TENM2: variants seen among roughly 807,000 people sequenced by gnomAD.
TENM2 encodes teneurin transmembrane protein 2.
In TENM2, 52 loss-of-function variants were observed where a neutral mutation model predicts 245.2. The observed-to-expected ratio is 0.21, with a 90% confidence interval of 0.17 to 0.27. The LOEUF is 0.27. Among genes scored for constraint, TENM2 ranks in the 10% least tolerant of loss-of-function variants. The pLI is 1.00. For synonymous variants in TENM2, 1,363 were observed against 1,438.9 expected (o/e 0.95, Z 1.19); for missense variants, 3,046 against 3,666.8 (o/e 0.83, Z 4.37).
At chr5:167,347,628 A>G (rs1008314320) in intron 1 of TENM2, among the ~76,000 whole-genome samples, 8 of 152,036 alleles carry the variant, frequency 5.3e-5, no homozygotes, top group Non-Finnish European at 1.0e-4. Context: ...TCTCACATCC[A>G]CTTCTAAACC....
chr5:167,293,368 A>ATTTTTTTTTTT (rs199972172), intron 1 of TENM2, among the ~76,000 whole-genome samples: 169 of 130,516 alleles, frequency 1.3e-3, no homozygotes, highest in African/African-American at 2.1e-3. Context: ...TGTCCGGCTA[A>ATTTTTTTTTTT]TTTTTTTTTT....
intron 2 of TENM2, among the ~76,000 whole-genome samples, chr5:167,726,814 C>A (rs890830897): frequency 6.6e-6 from 1 of 152,146 alleles, no homozygotes; most frequent in Non-Finnish European, 1.5e-5. Context: ...ATGCCCAAAC[C>A]GTTGCTTTCA....
At chr5:168,022,651 T>C (rs979498332) in intron 5 of TENM2, among the ~76,000 whole-genome samples, 1 of 152,166 alleles carries the variant, frequency 6.6e-6, no homozygotes, top group Non-Finnish European at 1.5e-5. Context: ...GGAAAGCAGA[T>C]TTTTTGGAAA....
At chr5:168,005,491 C>T (rs570616663) in intron 5 of TENM2, among the ~76,000 whole-genome samples, 5 of 152,314 alleles carry the variant, frequency 3.3e-5, no homozygotes, top group South Asian at 4.1e-4. Flanking sequence ...AAAACTTTAT[C>T]GTACCTGTGT....
intron 27 of TENM2, among the ~76,000 whole-genome samples, chr5:168,256,892 C>T (rs1349382893): frequency 6.6e-6 from 1 of 152,182 alleles, no homozygotes; most frequent in African/African-American, 2.4e-5. Flanking sequence ...TTAAATACCT[C>T]ACAGTAGTCC....
At chr5:167,092,226 A>G in the TENM2 span, among the ~76,000 whole-genome samples, 1 of 152,140 alleles carries the variant, frequency 6.6e-6, no homozygotes, top group African/African-American at 2.4e-5. Context: ...ATAAAATTAA[A>G]ATGTTACTGT....
At chr5:167,521,925 A>G (rs114958135) in intron 2 of TENM2, among the ~76,000 whole-genome samples, 1 of 152,152 alleles carries the variant, frequency 6.6e-6, no homozygotes, top group African/African-American at 2.4e-5. Flanking sequence ...ACTGGTGCAC[A>G]ATATTAATTT....
chr5:167,108,273 G>A, the TENM2 span, among the ~76,000 whole-genome samples: 23 of 152,206 alleles, frequency 1.5e-4, no homozygotes, highest in Middle Eastern at 3.4e-3. Flanking sequence ...TTACAGGAAC[G>A]GGCCACCACG....
At chr5:167,411,409 T>C (rs963591241) in intron 2 of TENM2, among the ~76,000 whole-genome samples, 1 of 152,084 alleles carries the variant, frequency 6.6e-6, no homozygotes, top group Non-Finnish European at 1.5e-5. Context: ...TAAACAAAAG[T>C]GTAACCTTTG....
intron 5 of TENM2, among the ~76,000 whole-genome samples, chr5:168,043,452 A>G (rs1183236301): frequency 3.3e-5 from 5 of 152,178 alleles, no homozygotes; most frequent in African/African-American, 1.2e-4. Flanking sequence ...TCACATTTAC[A>G]GTGCTGTTTT....
At chr5:167,264,668 T>G in the TENM2 span, among the ~76,000 whole-genome samples, 2 of 152,198 alleles carry the variant, frequency 1.3e-5, no homozygotes, top group African/African-American at 4.8e-5. Context: ...TGAGTCAAGA[T>G]ATTTTTATGC....
intron 2 of TENM2, among the ~76,000 whole-genome samples, chr5:167,393,605 C>G (rs904190787): frequency 6.6e-6 from 1 of 152,106 alleles, no homozygotes; most frequent in Non-Finnish European, 1.5e-5. Flanking sequence ...AAGGTGAAGT[C>G]AGGTCATAGA....
At chr5:167,094,059 A>G in the TENM2 span, among the ~76,000 whole-genome samples, 5 of 152,372 alleles carry the variant, frequency 3.3e-5, no homozygotes, top group South Asian at 1.0e-3. Flanking sequence ...ATGAATTTCA[A>G]TTAGCCATGG....
chr5:167,002,625 C>T, the TENM2 span, among the ~76,000 whole-genome samples: 1 of 150,734 alleles, frequency 6.6e-6, no homozygotes, highest in Non-Finnish European at 1.5e-5. Context: ...GATAACATGG[C>T]AGGACTCGGT....
At chr5:167,275,062 TG>T in the TENM2 span, among the ~76,000 whole-genome samples, 1 of 152,092 alleles carries the variant, frequency 6.6e-6, no homozygotes, top group African/African-American at 2.4e-5. Context: ...AGTTTTTTGT[TG>T]TTTGTTTCTT....
rs563351604 is a variant in TENM2, at chr5:167,790,659, G to A, written c.503-85327G>A. On this transcript the variant is annotated intron_variant, in intron 2 of 28. Coordinates refer to ENST00000518659, the Ensembl canonical transcript of TENM2. ...TCCGCCATCTTGCACCATTTCTGTG[G>A]GAACCAATATTATTAGCAACATAGA... Among the ~76,000 whole-genome samples the A allele has an allele frequency of 5.3e-5, 8 of 152,190 alleles. No homozygotes were observed. The South Asian group carries it at 1.5e-3, about 28-fold the overall frequency.
At chr5:167,391,395 G>A (rs1249601948) in intron 2 of TENM2, among the ~76,000 whole-genome samples, 1 of 152,010 alleles carries the variant, frequency 6.6e-6, no homozygotes. Flanking sequence ...GGAGGCTGAG[G>A]CGAGCAGATC....
intron 2 of TENM2, among the ~76,000 whole-genome samples, chr5:167,424,255 G>T (rs188568937): frequency 9.3e-4 from 142 of 152,102 alleles, no homozygotes; most frequent in Non-Finnish European, 1.6e-3. Flanking sequence ...GAATAAATCA[G>T]TTCCTTTCTG....
chr5:167,568,230 T>C (rs900507380), intron 2 of TENM2, among the ~76,000 whole-genome samples: 5 of 152,070 alleles, frequency 3.3e-5, no homozygotes, highest in African/African-American at 1.2e-4. Flanking sequence ...AAAAATATTT[T>C]TGGTTGGAGA....
Sources: allele counts gnomAD v4.1 joint callset (sites outside exome capture counted in the v4.1 genomes callset), GRCh38; gene constraint gnomAD v4.1.1; transcripts MANE v1.5; gene names NCBI Gene and HGNC (gene_info 2026-07-23, HGNC 2026-07-21).